Variants in TOP2B observed in about 807,000 individuals in gnomAD.
TOP2B encodes the protein DNA topoisomerase II beta.
TOP2B carries 51 observed loss-of-function variants against 193.5 expected under a neutral mutation model. The ratio of observed to expected loss-of-function variants is 0.26; its 90% CI spans 0.21 to 0.33. The LOEUF (loss-of-function observed/expected upper bound fraction) is 0.33, where lower values mean the gene tolerates loss of function less well. TOP2B is among the 10% of genes least tolerant of loss of function. TOP2B has a pLI of 1.00. For synonymous variants in TOP2B, 634 were observed against 635.7 expected, an observed-to-expected ratio of 1.00 and a Z score of 0.04; for missense variants, 1,378 against 1,909.3, an observed-to-expected ratio of 0.72 and a Z score of 5.19.
At position 25,629,118 on chromosome 3, in the gene TOP2B, G is replaced by A; in HGVS notation, c.1717C>T (p.Leu573=). The change falls in exon 14 of 36, where the codon CTG becomes TTG. Residue 573 remains leucine, a synonymous_variant. Coordinates refer to ENST00000264331, the MANE Select transcript of TOP2B (RefSeq NM_001330700.2). ...QDQDGSHIKG[L]LINFIHHNWP... is the part of the protein sequence containing the mutation. ...TTGTGATGGATGAAATTAATAAGCAGGCCTTTTATGTGAGAACCATCTTGA... is the reference window on the plus strand; with the variant it reads ...TTGTGATGGATGAAATTAATAAGCAAGCCTTTTATGTGAGAACCATCTTGA... 1 of 1,598,374 alleles carries A rather than the reference G, an allele frequency of 6.3e-7. No homozygotes were observed. Among genetic ancestry groups the A allele is most frequent in the Non-Finnish European group, 8.5e-7 (1 of 1,174,602 alleles).
At chr3:25,617,539 A>G (rs915888052) in intron 25 of TOP2B, among the ~76,000 whole-genome samples, 1 of 152,214 alleles carries the variant, frequency 6.6e-6, no homozygotes, top group Non-Finnish European at 1.5e-5. Context: ...AAAAAATACA[A>G]AAACATTATG....
intron 1 of TOP2B, among the ~76,000 whole-genome samples, chr3:25,663,262 A>C (rs1303557245): frequency 6.6e-6 from 1 of 152,200 alleles, no homozygotes; most frequent in East Asian, 1.9e-4. Flanking sequence ...ACTAAGTAAC[A>C]AAAATGCCTA....
intron 1 of TOP2B, among the ~76,000 whole-genome samples, chr3:25,649,097 G>A (rs1703505890): frequency 6.6e-6 from 1 of 152,148 alleles, no homozygotes; most frequent in Non-Finnish European, 1.5e-5. Flanking sequence ...TAAATGAATT[G>A]AAAATACACT....
intron 1 of TOP2B, among the ~76,000 whole-genome samples, chr3:25,645,990 C>T (rs1264566614): frequency 6.7e-6 from 1 of 149,644 alleles, no homozygotes; most frequent in Non-Finnish European, 1.5e-5. Flanking sequence ...AGGCTGGTCT[C>T]GAACTTCTGA....
In TOP2B at chr3:25,656,260, G is replaced by C. The variant is rs530626540; in HGVS notation, c.69+7969C>G. 1.0e-3 allele frequency among the ~76,000 whole-genome samples: 152 copies of C among 152,222 alleles called. 1 individual carries two copies. The highest frequency in any genetic ancestry group is 1.5e-3 in the Non-Finnish European group (103 of 68,016). ...ACATTATTTATAGAATACAATGGAAGTCATTTGCAGATATTTCAAATCAAC... is the reference window on the plus strand; with the variant it reads ...ACATTATTTATAGAATACAATGGAACTCATTTGCAGATATTTCAAATCAAC... On this transcript the variant is annotated intron_variant, in intron 1 of 35. Transcript: ENST00000264331.
At chr3:25,624,901 C>T (rs980656374) in intron 18 of TOP2B, 98 bp from the exon 19 acceptor site, 15 of 1,178,298 alleles carry the variant, frequency 1.3e-5, no homozygotes, top group Non-Finnish European at 1.8e-5. Context: ...TCAAGAACAC[C>T]AGTAAAATTG....
At chr3:25,613,530 G>C (rs1048930669) in intron 27 of TOP2B, among the ~76,000 whole-genome samples, 9 of 152,046 alleles carry the variant, frequency 5.9e-5, no homozygotes, top group Non-Finnish European at 7.4e-5. Flanking sequence ...CCAGGAGTTT[G>C]ACACCAGCCT....
intron 4 of TOP2B, among the ~76,000 whole-genome samples, chr3:25,641,104 G>A (rs563760002): frequency 3.3e-5 from 5 of 152,156 alleles, no homozygotes; most frequent in Admixed American, 1.3e-4. Context: ...TTATCACTTT[G>A]TTATGATGGC....
intron 34 of TOP2B, 34 bp downstream of exon 34, chr3:25,601,066 T>C (rs749395209): frequency 4.4e-6 from 7 of 1,598,254 alleles, no homozygotes; most frequent in Non-Finnish European, 5.1e-6. Context: ...CCACACAGCA[T>C]ATGTTTAAAG....
At chr3:25,637,961 C>T (rs977714902) in intron 5 of TOP2B, among the ~76,000 whole-genome samples, 5 of 151,872 alleles carry the variant, frequency 3.3e-5, no homozygotes, top group African/African-American at 1.2e-4. Flanking sequence ...GCAGTTCTAA[C>T]ATAAAGTCAA....
Position 25,637,293 on chromosome 3 carries a change from A to G in TOP2B, c.561T>C (p.Gly187=). ...KKVTGGRNGY[G]AKLCNIFSTK... ...TACTGAAAATATTACAAAGTTTTGC[A>G]CCATAACCATTACGACCACCTGTAA... Residue 187 remains glycine (G), a synonymous_variant, in exon 6 of 36, where the codon GGT becomes GGC. Coordinates refer to ENST00000264331, the MANE Select transcript of TOP2B (RefSeq NM_001330700.2). The G allele has an allele frequency of 6.4e-7, 1 of 1,557,938 alleles. No individual in the cohort carries two copies. Among genetic ancestry groups the G allele is most frequent in the Non-Finnish European group, 8.7e-7 (1 of 1,149,504 alleles).
intron 27 of TOP2B, among the ~76,000 whole-genome samples, chr3:25,613,501 G>A (rs996182745): frequency 6.6e-6 from 1 of 152,116 alleles, no homozygotes; most frequent in Admixed American, 6.5e-5. Flanking sequence ...TGAGGCTGAG[G>A]TAGGTGGATC....
chr3:25,650,724 C>A (rs1042428436), intron 1 of TOP2B, among the ~76,000 whole-genome samples: 1 of 152,206 alleles, frequency 6.6e-6, no homozygotes, highest in Admixed American at 6.5e-5. Context: ...TTAATCTTTT[C>A]CTGACAAATT....
At chr3:25,602,837 A>G (rs1271782784) in intron 33 of TOP2B, among the ~76,000 whole-genome samples, 1 of 152,244 alleles carries the variant, frequency 6.6e-6, no homozygotes, top group Non-Finnish European at 1.5e-5. Context: ...GGAACTACAG[A>G]ATTTAACTTG....
chr3:25,628,753 TA>T, intron 15 of TOP2B, 93 bp downstream of exon 15: 1 of 783,040 alleles, frequency 1.3e-6, no homozygotes, highest in Non-Finnish European at 2.0e-6. Flanking sequence ...TTTCGAAGTC[TA>T]AAATAGTCAA....
chr3:25,638,324 A>T lies in TOP2B; in HGVS notation c.396-14T>A, dbSNP rs780480239. 1.1e-4 allele frequency: 123 copies of T among 1,099,742 alleles called. 2 individuals are homozygous for T. In the African/African-American group the frequency reaches 3.6e-3, roughly 32 times the overall value. 68.1% of individuals were successfully genotyped at this position (1,099,742 alleles called of 1,614,324 possible). A position where few individuals can be genotyped will look rare whatever the true frequency, so the allele number is the denominator to read the frequency against. ...ATGTTAGATTCACTGTAAAAAAAAA[A>T]AAAAAAAAAAAAAAAAAAAAAAAAA... On this transcript the variant is annotated splice_polypyrimidine_tract_variant and intron_variant, in intron 4 of 35. Coordinates refer to ENST00000264331, the MANE Select transcript of TOP2B (RefSeq NM_001330700.2).
intron 5 of TOP2B, among the ~76,000 whole-genome samples, chr3:25,637,593 C>A (rs911736935): frequency 2.0e-5 from 3 of 152,008 alleles, no homozygotes; most frequent in African/African-American, 7.2e-5. Flanking sequence ...CACGACCCAG[C>A]AAATCTCTGT....
chr3:25,607,429 T>A (rs1020034776), intron 30 of TOP2B, 54 bp from the exon 31 acceptor site: 2 of 1,511,350 alleles, frequency 1.3e-6, no homozygotes, highest in African/African-American at 2.8e-5. Context: ...TTTGTATACA[T>A]GAATTATTAT....
At chr3:25,628,812 C>T in intron 15 of TOP2B, 35 bp downstream of exon 15, 1 of 1,227,306 alleles carries the variant, frequency 8.1e-7, no homozygotes, top group Admixed American at 2.5e-5. Context: ...ACATTTATAT[C>T]AGTATTTAAA....
Sources: gnomAD v4.1 joint callset for allele counts (sites outside exome capture counted in the v4.1 genomes callset) on GRCh38, gnomAD v4.1.1 for gene constraint, MANE v1.5 for transcripts, NCBI Gene and HGNC (gene_info 2026-07-23, HGNC 2026-07-21) for gene names.